Variants in MACROD2 observed in about 807,000 individuals in gnomAD.
The protein encoded by MACROD2 is ADP-ribose glycohydrolase MACROD2.
In MACROD2, 36 loss-of-function variants were observed where a neutral mutation model predicts 70.4. The ratio of observed to expected loss-of-function variants is 0.51; its 90% CI spans 0.39 to 0.68. The LOEUF (loss-of-function observed/expected upper bound fraction) is 0.68. MACROD2 is among the 30% of genes least tolerant of loss of function. The probability of loss-of-function intolerance (pLI) is 0.00; values close to 1 mark genes in which losing one functional copy is unlikely to be tolerated. For synonymous variants in MACROD2, 172 were observed against 178.8 expected (o/e 0.96, Z 0.30); for missense variants, 496 against 538.4 (o/e 0.92, Z 0.78).
intron 3 of MACROD2, among the ~76,000 whole-genome samples, chr20:14,200,336 A>G (rs2081468780): frequency 6.6e-6 from 1 of 152,162 alleles, no homozygotes. Flanking sequence ...GAACACATGG[A>G]CCCATAGAGG....
chr20:15,906,807 A>C (rs528176129), intron 10 of MACROD2, among the ~76,000 whole-genome samples: 1 of 152,334 alleles, frequency 6.6e-6, no homozygotes, highest in African/African-American at 2.4e-5. Flanking sequence ...GCATCTTTGA[A>C]GAACTATCAC....
intron 5 of MACROD2, among the ~76,000 whole-genome samples, chr20:15,075,852 A>G (rs2075653425): frequency 6.6e-6 from 1 of 152,122 alleles, no homozygotes; most frequent in African/African-American, 2.4e-5. Flanking sequence ...ACCCTCCATG[A>G]GCGCTGAAGG....
chr20:15,388,316 T>A (rs555362603), intron 6 of MACROD2, among the ~76,000 whole-genome samples: 1 of 152,104 alleles, frequency 6.6e-6, no homozygotes, highest in South Asian at 2.1e-4. Context: ...GACACCAAGA[T>A]GTTTTGGTCT....
In MACROD2 at chr20:14,326,635, A is replaced by G; in HGVS notation, c.272-166844A>G. 6.2e-7 allele frequency: 1 copy of G among 1,613,836 alleles called. No individual in the cohort carries two copies. Among genetic ancestry groups the G allele is most frequent in the Non-Finnish European group, 8.5e-7 (1 of 1,179,822 alleles). ...TTGTGTTATATTGTCCAAATCATCA[A>G]AGATACCCTGAGGTAAATTACTTAG... On this transcript the variant is annotated intron_variant, in intron 3 of 17. Transcript: ENST00000684519. The surrounding 1 kb of genome is among the most constrained non-coding windows in gnomAD (Gnocchi z 5.5).
At chr20:14,178,613 G>T (rs541495942) in intron 3 of MACROD2, among the ~76,000 whole-genome samples, 41 of 152,076 alleles carry the variant, frequency 2.7e-4, no homozygotes, top group Middle Eastern at 3.4e-3. Context: ...GAGAATAACA[G>T]CAGAGTAGTA....
intron 8 of MACROD2, among the ~76,000 whole-genome samples, chr20:15,663,471 A>G (rs1193609656): frequency 1.3e-5 from 2 of 152,006 alleles, no homozygotes; most frequent in African/African-American, 4.8e-5. Flanking sequence ...CCTGATTTAA[A>G]GTGATCTGCC....
At chr20:15,157,476 T>G (rs2076317554) in intron 5 of MACROD2, among the ~76,000 whole-genome samples, 1 of 151,956 alleles carries the variant, frequency 6.6e-6, no homozygotes, top group African/African-American at 2.4e-5. Flanking sequence ...AATGGTTATG[T>G]GAACCTGTTG....
intron 2 of MACROD2, among the ~76,000 whole-genome samples, chr20:14,034,503 A>G (rs1026192539): frequency 1.3e-5 from 2 of 152,214 alleles, no homozygotes; most frequent in Non-Finnish European, 2.9e-5. Flanking sequence ...AAATTGACAG[A>G]CGTTTTTAGT....
intron 8 of MACROD2, among the ~76,000 whole-genome samples, chr20:15,513,616 A>G (rs746647375): frequency 1.3e-5 from 2 of 152,212 alleles, no homozygotes; most frequent in Non-Finnish European, 2.9e-5. Context: ...AAAGATTGAT[A>G]TACTCAAACC....
intron 7 of MACROD2, among the ~76,000 whole-genome samples, chr20:15,481,935 C>T (rs769178661): frequency 8.6e-5 from 13 of 152,000 alleles, no homozygotes; most frequent in South Asian, 8.3e-4. Flanking sequence ...TCTTTTTCTA[C>T]GGAAGTCTTT....
chr20:15,897,333 C>T (rs1469042847), intron 10 of MACROD2, among the ~76,000 whole-genome samples: 3 of 152,050 alleles, frequency 2.0e-5, no homozygotes, highest in Non-Finnish European at 4.4e-5. Context: ...TGACAATCTA[C>T]TCATTACCTT....
intron 8 of MACROD2, among the ~76,000 whole-genome samples, chr20:15,577,801 G>A (rs550672506): frequency 2.0e-4 from 31 of 152,064 alleles, no homozygotes; most frequent in Non-Finnish European, 3.2e-4. Flanking sequence ...GTTTTCTCCC[G>A]TGACTATTTA....
intron 12 of MACROD2, among the ~76,000 whole-genome samples, chr20:15,946,829 T>C (rs1299890414): frequency 6.6e-6 from 1 of 151,992 alleles, no homozygotes; most frequent in Non-Finnish European, 1.5e-5. Context: ...GGTCTCTGAG[T>C]TCCCTCAGTA....
chr20:15,750,355 A>T (rs1232317565), intron 8 of MACROD2, among the ~76,000 whole-genome samples: 2 of 151,986 alleles, frequency 1.3e-5, no homozygotes, highest in Non-Finnish European at 2.9e-5. Context: ...AAAACCCACA[A>T]GTGTTGGCTA....
In MACROD2 at chr20:14,652,273, A is replaced by G. The variant is rs531536555; in HGVS notation, c.302-32570A>G. 5.8e-4 allele frequency among the ~76,000 whole-genome samples: 88 copies of G among 152,340 alleles called. 1 individual carries two copies. The highest frequency in any genetic ancestry group is 3.4e-3 in the Middle Eastern group (1 of 292). ...GACTTTCAGTGTTCTGGTATTAACA[A>G]TAATTTTACACATTTCAAAATTATA... On this transcript the variant is annotated intron_variant, in intron 4 of 17. Coordinates refer to ENST00000684519, the MANE Select transcript of MACROD2 (RefSeq NM_001351661.2).
At chr20:14,671,428 A>G (rs1260859001) in intron 4 of MACROD2, among the ~76,000 whole-genome samples, 1 of 152,124 alleles carries the variant, frequency 6.6e-6, no homozygotes, top group Non-Finnish European at 1.5e-5. Context: ...ATTTATGAGA[A>G]ACATTTTTTT....
chr20:15,456,797 C>G (rs2146404621), intron 7 of MACROD2, among the ~76,000 whole-genome samples: 1 of 152,212 alleles, frequency 6.6e-6, no homozygotes, highest in African/African-American at 2.4e-5. Flanking sequence ...GGAATGGTTC[C>G]TTGTCGTGAC....
intron 4 of MACROD2, among the ~76,000 whole-genome samples, chr20:14,606,248 C>T (rs62202909): frequency 0.18 from 27,847 of 152,058 alleles, 3,319 homozygotes; most frequent in Non-Finnish European, 0.26. Context: ...GTGGCTGCAT[C>T]TCAACTGTGC....
intron 8 of MACROD2, among the ~76,000 whole-genome samples, chr20:15,785,013 A>G (rs562436636): frequency 1.1e-4 from 16 of 151,818 alleles, no homozygotes; most frequent in South Asian, 8.3e-4. Flanking sequence ...TTAGCCGGGC[A>G]TGGTGGCGGG....
Sources: allele counts gnomAD v4.1 joint callset (sites outside exome capture counted in the v4.1 genomes callset), GRCh38; gene constraint gnomAD v4.1.1; non-coding constraint Gnocchi (gnomAD v3.1); transcripts MANE v1.5; gene names NCBI Gene and HGNC (gene_info 2026-07-23, HGNC 2026-07-21).